CORO7: variants seen among roughly 807,000 people sequenced by gnomAD.
CORO7 encodes the protein coronin 7.
A neutral mutation model predicts 126.6 loss-of-function variants in CORO7; 107 were observed. The ratio of observed to expected loss-of-function variants is 0.85; its 90% CI spans 0.72 to 0.99. The LOEUF (loss-of-function observed/expected upper bound fraction) is 0.99, where lower values mean the gene tolerates loss of function less well. CORO7 is among the 50% of genes least tolerant of loss of function. The pLI, the probability that CORO7 is intolerant of heterozygous loss-of-function variation, is 0.00. For missense variants in CORO7, 1,314 were observed against 1,255.8 expected (o/e 1.05, Z -0.70); for synonymous variants, 603 against 536.8 (o/e 1.12, Z -1.70).
chr16:4,382,351 A>C, intron 9 of CORO7: 1 of 1,611,964 alleles, frequency 6.2e-7, no homozygotes, highest in East Asian at 2.2e-5. Flanking sequence ...CGTGCAGCTC[A>C]GGAGCCTCCG....
At position 4,413,306 on chromosome 16, in the gene CORO7, A is replaced by G. The variant is rs1416852176; in HGVS notation, c.157+2T>C. 4 of 1,572,552 alleles carry G rather than the reference A, an allele frequency of 2.5e-6. No homozygotes were observed. The highest frequency in any genetic ancestry group is 3.5e-6 in the Non-Finnish European group (4 of 1,157,562). ...ATATCCACACTCATGGCCATTCCCT[A>G]CCAGGACGGTCGGAGTTGAAGGCGA... On this transcript the variant is annotated splice_donor_variant, in intron 2 of 27. Coordinates refer to ENST00000251166, the MANE Select transcript of CORO7 (RefSeq NM_024535.5). LOFTEE classifies it high-confidence loss of function.
chr16:4,360,657 T>TTCCCGCCTCTCCTCACTGCTGG, intron 19 of CORO7, 109 bp from the exon 20 acceptor site: 1 of 1,336,700 alleles, frequency 7.5e-7, no homozygotes, highest in Non-Finnish European at 1.0e-6. Context: ...CTCACTGCTG[T>TTCCCGCCTCTCCTCACTGCTGG]TCCCGCCTCT....
At chr16:4,356,974 T>G in intron 26 of CORO7, 194 bp downstream of exon 26, 1 of 747,116 alleles carries the variant, frequency 1.3e-6, no homozygotes, top group African/African-American at 1.8e-5. Context: ...GGGCTCCCAC[T>G]GCCCTCCCCC....
In CORO7 at chr16:4,412,426, T is replaced by TA. The variant is rs1390554947; in HGVS notation, c.161dup (p.Leu55ThrfsTer35). 6.2e-7 allele frequency: 1 copy of TA among 1,614,188 alleles called. No homozygotes were observed. The highest frequency in any genetic ancestry group is 8.5e-7 in the Non-Finnish European group (1 of 1,180,036). Reference sequence around the variant, plus strand: ...GGCCTTGCAGAGGCACAATGCCCAGTACACCTGTTAAACAAACACGGGGAC... The same window carrying TA: ...GGCCTTGCAGAGGCACAATGCCCAGTAACACCTGTTAAACAAACACGGGGAC... On this transcript the variant is annotated frameshift_variant, in exon 3 of 28. Transcript: ENST00000251166. LOFTEE classifies it high-confidence loss of function.
At chr16:4,396,359 G>A (rs936821265) in intron 6 of CORO7, among the ~76,000 whole-genome samples, 4 of 152,178 alleles carry the variant, frequency 2.6e-5, no homozygotes, top group South Asian at 2.1e-4. Context: ...GATTACAGGC[G>A]TAAGCCACCA....
intron 9 of CORO7, among the ~76,000 whole-genome samples, chr16:4,384,011 C>G (rs2055100404): frequency 6.6e-6 from 1 of 152,230 alleles, no homozygotes; most frequent in African/African-American, 2.4e-5. Flanking sequence ...CAGCCCCATG[C>G]CACTCCACTG....
intron 9 of CORO7, among the ~76,000 whole-genome samples, chr16:4,386,848 C>A (rs1596313623): frequency 6.6e-6 from 1 of 152,202 alleles, no homozygotes; most frequent in African/African-American, 2.4e-5. Context: ...CCGGGGAAGC[C>A]CTTGGCAGGA....
intron 9 of CORO7, chr16:4,382,608 C>G: frequency 6.3e-7 from 1 of 1,588,138 alleles, no homozygotes; most frequent in South Asian, 1.1e-5. Flanking sequence ...TGCCGCTCCT[C>G]ATTGCGCCCG....
At position 4,359,636 on chromosome 16, in the gene CORO7, G is replaced by A. The variant is rs761275662; in HGVS notation, c.2109-15C>T. ...GCTCACTTTGGCTGCAAGGGGGTTT[G>A]GGGGCTGAAGCAGGTGTTTCAGAGC... On this transcript the variant is annotated splice_polypyrimidine_tract_variant and intron_variant, in intron 21 of 27. Coordinates refer to ENST00000251166, the MANE Select transcript of CORO7 (RefSeq NM_024535.5). 1.3e-6 allele frequency: 2 copies of A among 1,579,828 alleles called. No homozygotes were observed. Among genetic ancestry groups the A allele is most frequent in the Non-Finnish European group, 8.6e-7 (1 of 1,161,550 alleles).
chr16:4,411,910 C>G (rs1241791820), intron 3 of CORO7, among the ~76,000 whole-genome samples: 1 of 151,896 alleles, frequency 6.6e-6, no homozygotes, highest in Non-Finnish European at 1.5e-5. Context: ...CTGCGGCACA[C>G]AAAAGGTCTC....
chr16:4,360,552 G>A lies in CORO7; in HGVS notation c.1918-4C>T, dbSNP rs1216282843. On this transcript the variant is annotated splice_polypyrimidine_tract_variant and splice_region_variant and intron_variant, in intron 19 of 27. Coordinates refer to ENST00000251166, the MANE Select transcript of CORO7 (RefSeq NM_024535.5). ...GACTCCAGGCCAGGCTGAAGATCTG[G>A]GGGCAGGAAGGGATATGAGAGACAG... The A allele has an allele frequency of 1.3e-6, 2 of 1,591,170 alleles. No individual in the cohort carries two copies. Among genetic ancestry groups the A allele is most frequent in the Non-Finnish European group, 1.7e-6 (2 of 1,169,508 alleles).
At chr16:4,377,844 G>A (rs2054800029) in intron 9 of CORO7, among the ~76,000 whole-genome samples, 1 of 152,206 alleles carries the variant, frequency 6.6e-6, no homozygotes, top group African/African-American at 2.4e-5. Context: ...GGGCTGGGAA[G>A]CAGGCTGGCT....
chr16:4,390,425 C>G (rs917304), intron 7 of CORO7, among the ~76,000 whole-genome samples: 115,032 of 152,166 alleles, frequency 0.76, 43,715 homozygotes, highest in Non-Finnish European at 0.79. Flanking sequence ...TGTCTCACAG[C>G]TGATAGCAGG....
chr16:4,364,261 G>GAGGAAGCAAGGCTTACCTGGGCTCA lies in CORO7; in HGVS notation c.1275+14_1275+15insTGAGCCCAGGTAAGCCTTGCTTCCT. On this transcript the variant is annotated intron_variant, in intron 14 of 27. Transcript: ENST00000251166. ...AGTGTCGCTGAGGGAGGATGGGGGC[G>GAGGAAGCAAGGCTTACCTGGGCTCA]GCCCTGGTACTTACGCTTGCGTCTG... 6.5e-7 allele frequency: 1 copy of GAGGAAGCAAGGCTTACCTGGGCTCA among 1,526,734 alleles called. No homozygotes were observed. The highest frequency in any genetic ancestry group is 2.3e-5 in the East Asian group (1 of 42,794). The allele number at this position is 1,526,734 out of a possible 1,614,324, so 94.6% of individuals were successfully genotyped here.
Position 4,362,561 on chromosome 16 carries a change from G to T in CORO7, c.1402+51C>A. On this transcript the variant is annotated intron_variant, in intron 15 of 27. Transcript: ENST00000251166. The surrounding 1 kb of genome is among the most constrained non-coding windows in gnomAD (Gnocchi z 5.3). Reference sequence around the variant, plus strand: ...TACACAGGAGGATGACGGGGAGTGGGGCAGACAGGGCTCCTGCGGTAGGGG... The same window carrying T: ...TACACAGGAGGATGACGGGGAGTGGTGCAGACAGGGCTCCTGCGGTAGGGG... The T allele has an allele frequency of 6.7e-7, 1 of 1,496,096 alleles. No homozygotes were observed. The allele number at this position is 1,496,096 out of a possible 1,614,324, so 92.7% of individuals were successfully genotyped here.
intron 9 of CORO7, chr16:4,382,452 G>T: frequency 6.2e-7 from 1 of 1,608,996 alleles, no homozygotes; most frequent in Non-Finnish European, 8.5e-7. Flanking sequence ...TCACCCAGCT[G>T]CGGCCCAACG....
Position 4,362,720 on chromosome 16 carries a change from G to A in CORO7, c.1294C>T (p.Pro432Ser), listed in dbSNP as rs1399708735. ...GTGGAGGGCGAGGTCAGCGAACTGGGAGGGGAAGAGAAACCCTCCTGGGGA... is the reference window on the plus strand; with the variant it reads ...GTGGAGGGCGAGGTCAGCGAACTGGAAGGGGAAGAGAAACCCTCCTGGGGA... ...ADASEGFSSP[P>S]SSLTSPSTPS... is the part of the protein sequence containing the mutation. The change falls in exon 15 of 28, where the codon CCC (proline) becomes TCC (serine). Residue 432 changes from proline to serine, a missense_variant. By Grantham distance (74) the Pro-to-Ser change is moderately conservative. Transcript: ENST00000251166. This position sits in a 1 kb window ranked among gnomAD's most constrained non-coding sequence, Gnocchi z 5.3. The A allele has an allele frequency of 1.4e-6, 2 of 1,438,426 alleles. No individual in the cohort carries two copies. The highest frequency in any genetic ancestry group is 1.5e-5 in the South Asian group (1 of 65,606). The allele number at this position is 1,438,426 out of a possible 1,614,324, so 89.1% of individuals were successfully genotyped here.
intron 6 of CORO7, among the ~76,000 whole-genome samples, chr16:4,398,154 G>A (rs561993949): frequency 5.2e-4 from 76 of 145,148 alleles, no homozygotes; most frequent in African/African-American, 1.9e-3. Flanking sequence ...TCCTGGCCTC[G>A]AGTAATCCTT....
At position 4,364,609 on chromosome 16, in the gene CORO7, C is replaced by T. The variant is rs1244315501; in HGVS notation, c.1125G>A (p.Gly375=). 2 of 1,562,084 alleles carry T rather than the reference C, an allele frequency of 1.3e-6. No homozygotes were observed. Among genetic ancestry groups the T allele is most frequent in the Non-Finnish European group, 1.7e-6 (2 of 1,154,118 alleles). Residue 375 remains glycine (G), a synonymous_variant, in exon 13 of 28, where the codon GGG becomes GGA. Transcript: ENST00000251166. ...GCCCTGGTCCTACCTGCTGGTTGTC[C>T]CCAGCCCACCAGCTATGGGGGTCGG... The part of the protein sequence containing the change: ...PATDPHSWWA[G]DNQQVQKVSL...
Sources: gnomAD v4.1 joint callset for allele counts (sites outside exome capture counted in the v4.1 genomes callset) on GRCh38, gnomAD v4.1.1 for gene constraint, Gnocchi (gnomAD v3.1) non-coding constraint, MANE v1.5 for transcripts, NCBI Gene and HGNC (gene_info 2026-07-23, HGNC 2026-07-21) for gene names.